The following FGF12 variants were observed in gnomAD, a reference collection of about 807,000 sequenced individuals.
FGF12 encodes the protein fibroblast growth factor 12.
In FGF12, 14 loss-of-function variants were observed where a neutral mutation model predicts 23.6. The ratio of observed to expected loss-of-function variants is 0.59; its 90% CI spans 0.39 to 0.93. FGF12 has a LOEUF of 0.93. FGF12 is among the 40% of genes least tolerant of loss of function. The pLI is 0.00. For missense variants in FGF12, 175 were observed against 217.8 expected (o/e 0.80, Z 1.24); for synonymous variants, 62 against 77.3 (o/e 0.80, Z 1.04).
chr3:192,369,267 G>C (rs148590359), intron 2 of FGF12, among the ~76,000 whole-genome samples: 1 of 152,274 alleles, frequency 6.6e-6, no homozygotes, highest in East Asian at 1.9e-4. Flanking sequence ...CTTCTCATTT[G>C]TACAAAGAGC....
At chr3:192,527,990 T>A (rs1438360523) in intron 2 of FGF12, among the ~76,000 whole-genome samples, 1 of 152,024 alleles carries the variant, frequency 6.6e-6, no homozygotes. Flanking sequence ...TCCCACAACA[T>A]GTGGGAATTC....
intron 2 of FGF12, among the ~76,000 whole-genome samples, chr3:192,468,703 C>G (rs926943905): frequency 3.9e-5 from 6 of 152,130 alleles, no homozygotes; most frequent in African/African-American, 1.4e-4. Flanking sequence ...AAGTTACTGT[C>G]TTTTCACTTG....
chr3:192,636,181 T>C (rs1715575524), intron 2 of FGF12, among the ~76,000 whole-genome samples: 2 of 152,204 alleles, frequency 1.3e-5, no homozygotes, highest in Admixed American at 6.5e-5. Context: ...CCTTATATGT[T>C]ATATAACTAG....
intron 2 of FGF12, among the ~76,000 whole-genome samples, chr3:192,443,269 A>T (rs1189393789): frequency 6.6e-6 from 1 of 152,192 alleles, no homozygotes; most frequent in Non-Finnish European, 1.5e-5. Flanking sequence ...TTCAGAGATA[A>T]CCTTAAGTGA....
At chr3:192,523,955 G>A (rs1437031606) in intron 2 of FGF12, among the ~76,000 whole-genome samples, 2 of 151,980 alleles carry the variant, frequency 1.3e-5, no homozygotes, top group Admixed American at 1.3e-4. Context: ...GATAGAAAAA[G>A]GATATGTATA....
intron 4 of FGF12, among the ~76,000 whole-genome samples, chr3:192,179,662 C>T (rs1181501976): frequency 1.3e-5 from 2 of 151,814 alleles, no homozygotes; most frequent in African/African-American, 4.8e-5. Flanking sequence ...TCTCATGCCT[C>T]AGCCTCCCAA....
intron 2 of FGF12, among the ~76,000 whole-genome samples, chr3:192,567,047 A>C (rs1220458027): frequency 6.6e-6 from 1 of 152,160 alleles, no homozygotes; most frequent in Non-Finnish European, 1.5e-5. Context: ...ACTCCCACAG[A>C]TACTTTCTCT....
intron 5 of FGF12, among the ~76,000 whole-genome samples, chr3:192,150,714 T>C (rs1714002741): frequency 6.7e-6 from 1 of 149,394 alleles, no homozygotes; most frequent in Non-Finnish European, 1.5e-5. Context: ...TTTTGGTTAC[T>C]GTAGCCTTGT....
chr3:192,684,655 A>C (rs1426097565), intron 2 of FGF12, among the ~76,000 whole-genome samples: 1 of 152,194 alleles, frequency 6.6e-6, no homozygotes, highest in African/African-American at 2.4e-5. Context: ...TCAGTGATTC[A>C]AAATCAGGGT....
intron 2 of FGF12, among the ~76,000 whole-genome samples, chr3:192,677,664 A>T (rs1306521976): frequency 2.6e-5 from 4 of 152,236 alleles, no homozygotes; most frequent in Non-Finnish European, 5.9e-5. Context: ...CTTTGGCACC[A>T]ATGGACGCAA....
chr3:192,298,434 G>C (rs147305421), intron 4 of FGF12, among the ~76,000 whole-genome samples: 5 of 152,194 alleles, frequency 3.3e-5, no homozygotes, highest in African/African-American at 1.2e-4. Flanking sequence ...GAAAATCTGG[G>C]GCTGGGTAAT....
At chr3:192,711,481 A>T (rs138033938) in intron 2 of FGF12, among the ~76,000 whole-genome samples, 2 of 151,988 alleles carry the variant, frequency 1.3e-5, no homozygotes, top group Non-Finnish European at 2.9e-5. Flanking sequence ...GCCATGATGA[A>T]GATGGCGGTT....
At chr3:192,432,901 A>G (rs1438837831) in intron 2 of FGF12, among the ~76,000 whole-genome samples, 2 of 152,136 alleles carry the variant, frequency 1.3e-5, no homozygotes, top group Non-Finnish European at 2.9e-5. Context: ...GCATGAGAGA[A>G]CTATTACACC....
chr3:192,404,877 A>G (rs752587610), intron 2 of FGF12, among the ~76,000 whole-genome samples: 2 of 152,108 alleles, frequency 1.3e-5, no homozygotes, highest in Non-Finnish European at 2.9e-5. Context: ...TCTACAAGTT[A>G]CCTCTTCTAC....
chr3:192,558,411 T>C (rs1364117612), intron 2 of FGF12, among the ~76,000 whole-genome samples: 1 of 151,610 alleles, frequency 6.6e-6, no homozygotes, highest in African/African-American at 2.4e-5. Context: ...ACTACAAAAC[T>C]TTGTTGAAAG....
intron 2 of FGF12, among the ~76,000 whole-genome samples, chr3:192,616,128 C>T (rs1714746853): frequency 6.6e-6 from 1 of 151,738 alleles, no homozygotes; most frequent in Non-Finnish European, 1.5e-5. Flanking sequence ...GTAATAAATT[C>T]CAATAGAGCA....
intron 2 of FGF12, among the ~76,000 whole-genome samples, chr3:192,649,977 T>C (rs2134636): frequency 0.57 from 86,756 of 152,048 alleles, 25,167 homozygotes; most frequent in East Asian, 0.67. Context: ...AGGGGATAAG[T>C]TGGTTTTGAA....
At chr3:192,315,079 T>C (rs1015032125) in intron 4 of FGF12, among the ~76,000 whole-genome samples, 2 of 152,186 alleles carry the variant, frequency 1.3e-5, no homozygotes, top group African/African-American at 4.8e-5. Context: ...GGTATGTCAC[T>C]TAAATTCTAT....
chr3:192,567,790 T>TTTCTTTCTTTCTTTCTTTC (rs1712398199), intron 2 of FGF12, among the ~76,000 whole-genome samples: 1 of 135,608 alleles, frequency 7.4e-6, no homozygotes, highest in South Asian at 2.5e-4. Context: ...TCTTTCTTTC[T>TTTCTTTCTTTCTTTCTTTC]TTCTTTCTTT....
Sources: gnomAD v4.1 joint callset for allele counts (sites outside exome capture counted in the v4.1 genomes callset) on GRCh38, gnomAD v4.1.1 for gene constraint, MANE v1.5 for transcripts, NCBI Gene and HGNC (gene_info 2026-07-23, HGNC 2026-07-21) for gene names.